The following CTBP2 variants were observed in gnomAD, a reference collection of about 807,000 sequenced individuals.
The protein encoded by CTBP2 is C-terminal-binding protein 2.
A neutral mutation model predicts 80.3 loss-of-function variants in CTBP2; 30 were observed. That is an observed-to-expected ratio of 0.37 (90% CI 0.28 to 0.51). The LOEUF is 0.51. Ranked by LOEUF, CTBP2 falls within the 20% of genes least tolerant of loss-of-function variation. The pLI is 0.93. For missense variants in CTBP2, 1,212 were observed against 1,375.3 expected (o/e 0.88, Z 1.88); for synonymous variants, 594 against 587.4 (o/e 1.01, Z -0.16).
intron 1 of CTBP2, among the ~76,000 whole-genome samples, chr10:125,123,346 T>A (rs1401934946): frequency 6.6e-6 from 1 of 152,164 alleles, no homozygotes; most frequent in African/African-American, 2.4e-5. Flanking sequence ...ATGGATTCTA[T>A]CCACGTCAAT....
chr10:125,098,698 G>GAC (rs1850031285), intron 2 of CTBP2, among the ~76,000 whole-genome samples: 27 of 129,862 alleles, frequency 2.1e-4, no homozygotes, highest in African/African-American at 6.7e-4. Context: ...GAGAGAGAGA[G>GAC]AGAGAGAGAC....
intron 2 of CTBP2, among the ~76,000 whole-genome samples, chr10:125,080,929 G>A (rs370218272): frequency 4.0e-5 from 6 of 150,000 alleles, no homozygotes; most frequent in African/African-American, 1.2e-4. Context: ...GGTATGTTAC[G>A]ATGCACAAAA....
In CTBP2 at chr10:125,026,419, C is replaced by A; in HGVS notation, c.1341G>T (p.Leu447=). 2 of 1,605,862 alleles carry A rather than the reference C, an allele frequency of 1.2e-6. No individual in the cohort carries two copies. The highest frequency in any genetic ancestry group is 2.2e-5 in the South Asian group (2 of 90,644). The change falls in exon 1 of 9, where the codon CTG becomes CTT. Residue 447 remains leucine (L), a synonymous_variant. Coordinates refer to ENST00000309035, the MANE Select transcript of CTBP2 (RefSeq NM_022802.3). ...GGTACGTGGGGCTCAGACGCGCTGT[C>A]AGGGCGCAAGGGGTGGGAGAGCTGT...
rs374631652 is a variant in CTBP2, at chr10:125,026,163, T to C, written c.1597A>G (p.Thr533Ala). The C allele has an allele frequency of 1.1e-5, 18 of 1,610,908 alleles. No individual in the cohort carries two copies. The African/African-American group carries it at 2.3e-4, about 20-fold the overall frequency. The stretch of plus-strand genomic sequence containing the variant: ...ACCTTCTGGTACGGTGAGTGAGGCG[T>C]GTGGAGGCTCTGGCTGGCCGGCGGC... The change falls in exon 1 of 9, where the codon ACG (threonine) becomes GCG (alanine). Residue 533 changes from threonine (T) to alanine (A), a missense_variant. This residue lies in a region of CTBP2 where 848 missense variants were observed against 782.3 expected (regional missense o/e 1.08). Coordinates refer to ENST00000309035, the MANE Select transcript of CTBP2 (RefSeq NM_022802.3).
At chr10:125,008,257 T>TC (rs1424099388) in intron 1 of CTBP2, among the ~76,000 whole-genome samples, 1 of 152,168 alleles carries the variant, frequency 6.6e-6, no homozygotes, top group Non-Finnish European at 1.5e-5. Flanking sequence ...GGCTCTGGCC[T>TC]CTTTTTTTAA....
In CTBP2 at chr10:125,027,949, A is replaced by T; in HGVS notation, c.-190T>A. ...TCCGAAACCTTAGCAGACAAAACAT[A>T]AGACTCACGGTAACTTTGCCTCACT... On this transcript the variant is annotated 5_prime_UTR_variant, in exon 1 of 9. Coordinates refer to ENST00000309035, the MANE Select transcript of CTBP2 (RefSeq NM_022802.3). 7.1e-7 allele frequency: 1 copy of T among 1,400,330 alleles called. No individual in the cohort carries two copies. Among genetic ancestry groups the T allele is most frequent in the Non-Finnish European group, 9.3e-7 (1 of 1,079,080 alleles). The allele number at this position is 1,400,330 out of a possible 1,614,324, so 86.7% of individuals were successfully genotyped here.
rs572782765 is a variant in CTBP2 at position 125,132,769 on chromosome 10, C to T, written c.-205-21676G>A. Among the ~76,000 whole-genome samples the T allele has an allele frequency of 2.2e-4, 34 of 152,314 alleles. 1 individual carries two copies. In the South Asian group the frequency reaches 5.2e-3, roughly 23 times the overall value. On this transcript the variant is annotated intron_variant, in intron 1 of 10. Transcript: ENST00000337195. ...CACAGCACTTTACCAACAAATTCCA[C>T]GACATTCAAGTGAGAACAGATGATG...
intron 2 of CTBP2, among the ~76,000 whole-genome samples, chr10:125,101,030 T>C (rs1850537688): frequency 6.6e-6 from 1 of 152,234 alleles, no homozygotes; most frequent in Non-Finnish European, 1.5e-5. Flanking sequence ...TTCTATCAAT[T>C]AAATCTTGAG....
chr10:125,083,476 G>A (rs1299838153), intron 2 of CTBP2, among the ~76,000 whole-genome samples: 2 of 152,118 alleles, frequency 1.3e-5, no homozygotes, highest in Non-Finnish European at 2.9e-5. Context: ...CGAGGATACC[G>A]CCCTCTGAGA....
chr10:125,043,169 G>A (rs144503586), intron 2 of CTBP2, among the ~76,000 whole-genome samples: 1 of 152,160 alleles, frequency 6.6e-6, no homozygotes, highest in Non-Finnish European at 1.5e-5. Context: ...TTGAAGACGT[G>A]AGAGAACAAA....
In CTBP2 at chr10:125,003,154, C is replaced by G. The variant is rs376730588; in HGVS notation, c.1834-50G>C. The G allele has an allele frequency of 4.5e-4, 728 of 1,610,000 alleles. 9 individuals are homozygous for G. The South Asian group carries it at 7.1e-3, about 16-fold the overall frequency. ...CGGAGCCCCACCCCGTGCAGCCCACCGGCACCACTTGGCCTGGCCCCCTGG... is the reference window on the plus strand; with the variant it reads ...CGGAGCCCCACCCCGTGCAGCCCACGGGCACCACTTGGCCTGGCCCCCTGG... On this transcript the variant is annotated intron_variant, in intron 2 of 8. Transcript: ENST00000309035.
chr10:125,139,843 C>T (rs1378327836), intron 1 of CTBP2, among the ~76,000 whole-genome samples: 3 of 152,218 alleles, frequency 2.0e-5, no homozygotes, highest in Non-Finnish European at 4.4e-5. Flanking sequence ...CACAGCTGCA[C>T]ATCACAGAGC....
At chr10:125,065,475 G>A (rs1485205943) in intron 2 of CTBP2, among the ~76,000 whole-genome samples, 3 of 152,190 alleles carry the variant, frequency 2.0e-5, no homozygotes, top group Admixed American at 6.5e-5. Context: ...AGGGGCTTTG[G>A]GGAAGGCGAG....
intron 1 of CTBP2, among the ~76,000 whole-genome samples, chr10:125,115,269 C>T (rs556124377): frequency 5.9e-5 from 9 of 152,282 alleles, no homozygotes; most frequent in South Asian, 2.1e-4. Flanking sequence ...TCTGGCTGAA[C>T]GGAGCACCAC....
rs1357563193 is a variant in CTBP2 at position 125,066,196 on chromosome 10, GC to G, written c.-101-27042del. Among the ~76,000 whole-genome samples, 1 of 152,002 alleles carries G rather than the reference GC, an allele frequency of 6.6e-6. No homozygotes were observed. Among genetic ancestry groups the G allele is most frequent in the African/African-American group, 2.4e-5 (1 of 41,378 alleles). On this transcript the variant is annotated intron_variant, in intron 2 of 10. Transcript: ENST00000337195. This position sits in a 1 kb window ranked among gnomAD's most constrained non-coding sequence, Gnocchi z 4.1. ...CTTGGCTGAGGGATGTGAGCTATGAGCCCCTACATCACAGCTTCTGTTAACA... is the reference window on the plus strand; with the variant it reads ...CTTGGCTGAGGGATGTGAGCTATGAGCCCTACATCACAGCTTCTGTTAACA...
intron 2 of CTBP2, among the ~76,000 whole-genome samples, chr10:125,058,505 G>GCCA (rs1164474457): frequency 6.6e-6 from 1 of 152,156 alleles, no homozygotes; most frequent in Admixed American, 6.5e-5. Flanking sequence ...GAAATGTGAA[G>GCCA]CCACGGCCGG....
chr10:125,010,219 T>TAAAAAAA (rs59517853), intron 1 of CTBP2, among the ~76,000 whole-genome samples: 4 of 105,986 alleles, frequency 3.8e-5, no homozygotes, highest in African/African-American at 7.4e-5. Context: ...ATTTTAAGGT[T>TAAAAAAA]AAAAAAAAAA....
At chr10:125,161,616 A>G (rs1861900918), upstream of CTBP2, among the ~76,000 whole-genome samples, 1 of 151,466 alleles carries the variant, frequency 6.6e-6, no homozygotes, top group Non-Finnish European at 1.5e-5. Flanking sequence ...ACCGTGCCGG[A>G]GAGGCGGCGA....
intron 7 of CTBP2, 122 bp downstream of exon 9, chr10:124,993,080 T>A: frequency 7.9e-7 from 1 of 1,270,588 alleles, no homozygotes; most frequent in African/African-American, 1.5e-5. Context: ...CCAACTCATA[T>A]AAATTTGATG....
Sources: gnomAD v4.1 joint callset for allele counts (sites outside exome capture counted in the v4.1 genomes callset) on GRCh38, gnomAD v4.1.1 for gene constraint, gnomAD v4.1.1 regional missense constraint, Gnocchi (gnomAD v3.1) non-coding constraint, MANE v1.5 for transcripts, NCBI Gene and HGNC (gene_info 2026-07-23, HGNC 2026-07-21) for gene names.